NRXN1: variants seen among roughly 807,000 people sequenced by gnomAD.
The protein encoded by NRXN1 is neurexin 1, also known as neurexin-1.
In NRXN1, 39 loss-of-function variants were observed where a neutral mutation model predicts 150.9. The ratio of observed to expected loss-of-function variants is 0.26; its 90% CI spans 0.20 to 0.34. NRXN1 has a LOEUF of 0.34. Among genes scored for constraint, NRXN1 ranks in the 10% least tolerant of loss-of-function variants. NRXN1 has a pLI of 1.00. For missense variants in NRXN1, 1,815 were observed against 1,949.9 expected (o/e 0.93, Z 1.30); for synonymous variants, 924 against 757.0 (o/e 1.22, Z -3.62).
intron 18 of NRXN1, among the ~76,000 whole-genome samples, chr2:50,191,454 G>A (rs1309236121): frequency 1.3e-5 from 2 of 152,090 alleles, no homozygotes; most frequent in Non-Finnish European, 2.9e-5. Context: ...TCATTTGTGT[G>A]TTTGTATAGT....
At chr2:49,990,868 G>T (rs142688630) in intron 21 of NRXN1, among the ~76,000 whole-genome samples, 392 of 152,130 alleles carry the variant, frequency 2.6e-3, no homozygotes, top group Non-Finnish European at 4.4e-3. Flanking sequence ...CTCCAGTTGG[G>T]GTTTGGTTCC....
At chr2:50,430,455 G>C (rs1018510456) in intron 17 of NRXN1, among the ~76,000 whole-genome samples, 1 of 152,196 alleles carries the variant, frequency 6.6e-6, no homozygotes, top group South Asian at 2.1e-4. Context: ...CATGTGACTA[G>C]TGAGCACTTA....
rs1249651454 is a variant in NRXN1 at position 50,278,263 on chromosome 2, ATTATATATG to A, written c.3365-41302_3365-41294del. On this transcript the variant is annotated intron_variant, in intron 17 of 22. Coordinates refer to ENST00000401669, the MANE Select transcript of NRXN1 (RefSeq NM_001330078.2). ...TATAATATATATATATATTATATAT[ATTATATATG>A]TATTATATATATAATACATATATAA... Among the ~76,000 whole-genome samples the A allele has an allele frequency of 6.8e-4, 70 of 102,200 alleles. 1 individual carries two copies. Among genetic ancestry groups the A allele is most frequent in the South Asian group, 5.4e-3 (20 of 3,678 alleles). 67.0% of individuals were successfully genotyped at this position (102,200 alleles called of 152,430 possible). A position where few individuals can be genotyped will look rare whatever the true frequency, so the allele number is the denominator to read the frequency against.
At chr2:50,698,388 C>G (rs1314079847) in intron 5 of NRXN1, among the ~76,000 whole-genome samples, 3 of 152,184 alleles carry the variant, frequency 2.0e-5, no homozygotes, top group African/African-American at 7.2e-5. Context: ...GAGAATCTAG[C>G]TCTCTTAAGC....
intron 18 of NRXN1, among the ~76,000 whole-genome samples, chr2:50,183,772 T>C (rs1426030781): frequency 6.6e-6 from 1 of 151,456 alleles, no homozygotes; most frequent in Non-Finnish European, 1.5e-5. Context: ...AACATGTAAA[T>C]TGTAACAACC....
intron 22 of NRXN1, among the ~76,000 whole-genome samples, chr2:49,942,553 T>A (rs1387845043): frequency 3.3e-5 from 5 of 152,028 alleles, no homozygotes; most frequent in Non-Finnish European, 5.9e-5. Flanking sequence ...TAGTGGTTAG[T>A]CCATATCCAC....
chr2:50,652,469 AG>A, intron 5 of NRXN1, among the ~76,000 whole-genome samples: 1 of 152,190 alleles, frequency 6.6e-6, no homozygotes. Flanking sequence ...GACAATTAAT[AG>A]GGAACCACAT....
chr2:50,543,181 T>C (rs754908530), intron 9 of NRXN1, among the ~76,000 whole-genome samples: 20 of 152,122 alleles, frequency 1.3e-4, no homozygotes, highest in Non-Finnish European at 7.4e-5. Context: ...CCACAAATAC[T>C]GACATGTTCT....
At chr2:50,375,205 C>A (rs1327972070) in intron 17 of NRXN1, among the ~76,000 whole-genome samples, 2 of 152,050 alleles carry the variant, frequency 1.3e-5, no homozygotes, top group African/African-American at 4.8e-5. Flanking sequence ...CATGCTTTCT[C>A]TTGAATAATT....
chr2:50,995,818 A>G (rs1377517809), intron 2 of NRXN1, among the ~76,000 whole-genome samples: 1 of 152,060 alleles, frequency 6.6e-6, no homozygotes, highest in Non-Finnish European at 1.5e-5. Context: ...TTCTTGTGTG[A>G]CTAAGCAAAG....
At chr2:50,062,821 T>G (rs1694754478) in intron 19 of NRXN1, among the ~76,000 whole-genome samples, 1 of 152,136 alleles carries the variant, frequency 6.6e-6, no homozygotes, top group Non-Finnish European at 1.5e-5. Context: ...TGTCAGCATT[T>G]GATATGACAT....
At chr2:49,941,800 T>G (rs889717718) in intron 22 of NRXN1, among the ~76,000 whole-genome samples, 4 of 152,108 alleles carry the variant, frequency 2.6e-5, no homozygotes, top group Non-Finnish European at 4.4e-5. Context: ...AGACCAGACT[T>G]TGTTACATGG....
intron 18 of NRXN1, among the ~76,000 whole-genome samples, chr2:50,093,846 C>G (rs138743154): frequency 5.9e-5 from 9 of 151,954 alleles, no homozygotes; most frequent in Admixed American, 4.6e-4. Flanking sequence ...GGTCGCACAG[C>G]TGGAAAGAGA....
chr2:50,073,902 A>G (rs145236018), intron 19 of NRXN1, among the ~76,000 whole-genome samples: 13 of 152,328 alleles, frequency 8.5e-5, no homozygotes, highest in African/African-American at 2.4e-4. Flanking sequence ...GGCATATTTT[A>G]TAGCAACTTG....
At chr2:50,986,795 G>GA (rs1183161607) in intron 2 of NRXN1, among the ~76,000 whole-genome samples, 5 of 151,200 alleles carry the variant, frequency 3.3e-5, no homozygotes, top group African/African-American at 1.2e-4. Flanking sequence ...CATAGGAATG[G>GA]AAAAAAGCAA....
chr2:50,367,529 C>A (rs1370967107), intron 17 of NRXN1, among the ~76,000 whole-genome samples: 1 of 151,996 alleles, frequency 6.6e-6, no homozygotes, highest in African/African-American at 2.4e-5. Flanking sequence ...AAGCCCTGGA[C>A]TCATTCAGAA....
chr2:50,733,007 T>C (rs1698287408), intron 5 of NRXN1, among the ~76,000 whole-genome samples: 1 of 152,204 alleles, frequency 6.6e-6, no homozygotes, highest in African/African-American at 2.4e-5. Flanking sequence ...CAGACACTAT[T>C]CCTAACCAAA....
At chr2:50,965,453 G>A (rs1429257042) in intron 2 of NRXN1, among the ~76,000 whole-genome samples, 1 of 151,240 alleles carries the variant, frequency 6.6e-6, no homozygotes, top group African/African-American at 2.4e-5. Context: ...CAAAATAACC[G>A]TTTGATTTTT....
chr2:50,761,442 C>T (rs1372616238), intron 5 of NRXN1, among the ~76,000 whole-genome samples: 1 of 151,922 alleles, frequency 6.6e-6, no homozygotes, highest in African/African-American at 2.4e-5. Flanking sequence ...CACTCTCTTG[C>T]CTGCTGCCAT....
Sources: gnomAD v4.1 joint callset for allele counts (sites outside exome capture counted in the v4.1 genomes callset) on GRCh38, gnomAD v4.1.1 for gene constraint, MANE v1.5 for transcripts, NCBI Gene and HGNC (gene_info 2026-07-23, HGNC 2026-07-21) for gene names.